IFT140: variants seen among roughly 807,000 people sequenced by gnomAD.
The protein encoded by IFT140 is intraflagellar transport 140, also known as intraflagellar transport protein 140 homolog.
In IFT140, 133 loss-of-function variants were observed where a neutral mutation model predicts 164.6. The ratio of observed to expected loss-of-function variants is 0.81; its 90% confidence interval spans 0.70 to 0.93. The LOEUF is 0.93. Among genes scored for constraint, IFT140 ranks in the 40% least tolerant of loss-of-function variants. The pLI is 0.00. For missense variants in IFT140, 2,045 were observed against 1,972.3 expected, an observed-to-expected ratio of 1.04 and a Z score of -0.70; for synonymous variants, 860 against 817.3, an observed-to-expected ratio of 1.05 and a Z score of -0.89.
chr16:1,542,565 G>C (rs530781841), intron 19 of IFT140, among the ~76,000 whole-genome samples: 1 of 152,240 alleles, frequency 6.6e-6, no homozygotes, highest in Non-Finnish European at 1.5e-5. Context: ...CATGTGCTCT[G>C]TTATAAACGC....
intron 30 of IFT140, among the ~76,000 whole-genome samples, chr16:1,515,027 A>G (rs946436472): frequency 6.6e-6 from 1 of 152,204 alleles, no homozygotes; most frequent in Non-Finnish European, 1.5e-5. Flanking sequence ...GAAAGTCTAG[A>G]TAAATACAAA....
At chr16:1,604,107 G>T (rs1162235470) in intron 3 of IFT140, among the ~76,000 whole-genome samples, 1 of 152,136 alleles carries the variant, frequency 6.6e-6, no homozygotes, top group Admixed American at 6.5e-5. Flanking sequence ...ATATGTTATA[G>T]GCTCCTGCAA....
chr16:1,575,172 G>T (rs2034211300), intron 13 of IFT140, among the ~76,000 whole-genome samples: 1 of 151,526 alleles, frequency 6.6e-6, no homozygotes, highest in African/African-American at 2.4e-5. Context: ...GACCAGCCTG[G>T]GCAACATAGT....
At chr16:1,584,796 C>T (rs1037601578) in intron 10 of IFT140, among the ~76,000 whole-genome samples, 5 of 152,164 alleles carry the variant, frequency 3.3e-5, no homozygotes, top group Admixed American at 3.3e-4. Flanking sequence ...AATTATCCAG[C>T]TTTCTTCTGC....
chr16:1,556,425 G>A (rs1029719809), intron 19 of IFT140, among the ~76,000 whole-genome samples: 1 of 152,268 alleles, frequency 6.6e-6, no homozygotes, highest in African/African-American at 2.4e-5. Context: ...CTGGCCTCAT[G>A]CCCTGCTGGC....
At chr16:1,562,921 G>A (rs541084991) in intron 17 of IFT140, among the ~76,000 whole-genome samples, 99 of 152,230 alleles carry the variant, frequency 6.5e-4, no homozygotes, top group Admixed American at 2.7e-3. Context: ...CAGGACATGC[G>A]CCCATACCTG....
chr16:1,537,540 G>T (rs536915337), intron 19 of IFT140, among the ~76,000 whole-genome samples: 48 of 152,344 alleles, frequency 3.2e-4, no homozygotes, highest in African/African-American at 1.1e-3. Flanking sequence ...CCTGCCAGGG[G>T]TGTCCTGTGG....
Position 1,589,800 on chromosome 16 carries a change from C to T in IFT140, c.635-20G>A, listed in dbSNP as rs770147783. The T allele has an allele frequency of 2.9e-5, 46 of 1,603,426 alleles. No individual in the cohort carries two copies. Among genetic ancestry groups the T allele is most frequent in the Non-Finnish European group, 3.7e-5 (43 of 1,171,350 alleles). On this transcript the variant is annotated intron_variant, in intron 6 of 30. Transcript: ENST00000426508. Reference sequence around the variant, plus strand: ...CTGTCCCTGGGGACAAACGTGGGGTCACTACATGAGGAGGCCCTGGTTTAT... The same window carrying T: ...CTGTCCCTGGGGACAAACGTGGGGTTACTACATGAGGAGGCCCTGGTTTAT...
chr16:1,542,093 G>C, intron 19 of IFT140: 1 of 1,584,972 alleles, frequency 6.3e-7, no homozygotes. Context: ...ACCTGGGCGG[G>C]TGTGGCCACC....
intron 13 of IFT140, 70 bp downstream of exon 13, chr16:1,580,689 G>C (rs894564935): frequency 6.8e-6 from 7 of 1,021,930 alleles, no homozygotes; most frequent in Non-Finnish European, 1.1e-5. Context: ...CAATAAACAG[G>C]CTTTGTCTCA....
At position 1,553,091 on chromosome 16, in the gene IFT140, A is replaced by G. The variant is rs2032804493; in HGVS notation, c.2399+4844T>C. The G allele has an allele frequency of 1.0e-6, 1 of 985,352 alleles. No individual in the cohort carries two copies. Among genetic ancestry groups the G allele is most frequent in the African/African-American group, 1.7e-5 (1 of 57,234 alleles). The allele number at this position is 985,352 out of a possible 1,614,324, so 61.0% of individuals were successfully genotyped here. On this transcript the variant is annotated intron_variant, in intron 19 of 30. Transcript: ENST00000426508. This position sits in a 1 kb window ranked among gnomAD's most constrained non-coding sequence, Gnocchi z 4.4. ...CAAAATGGAGATAGATAAATGCTTA[A>G]TTCATACTTTCTGGAGGGTACAGTG...
chr16:1,539,453 A>G (rs2031411942), intron 19 of IFT140, among the ~76,000 whole-genome samples: 1 of 152,136 alleles, frequency 6.6e-6, no homozygotes, highest in Non-Finnish European at 1.5e-5. Context: ...CCCTTCCTCC[A>G]AGCACTCTGG....
At position 1,523,718 on chromosome 16, in the gene IFT140, T is replaced by C; in HGVS notation, c.3271-18A>G. 6.2e-7 allele frequency: 1 copy of C among 1,609,942 alleles called. No homozygotes were observed. The highest frequency in any genetic ancestry group is 8.5e-7 in the Non-Finnish European group (1 of 1,177,814). ...TGGCCAGCCTGCGGATACGGTGGGCTCTGAGCAGCTGCCCGAGGCCTGGGG... is the reference window on the plus strand; with the variant it reads ...TGGCCAGCCTGCGGATACGGTGGGCCCTGAGCAGCTGCCCGAGGCCTGGGG... On this transcript the variant is annotated intron_variant, in intron 25 of 30. Transcript: ENST00000426508.
chr16:1,569,800 C>A (rs1159498094), intron 14 of IFT140, among the ~76,000 whole-genome samples: 1 of 151,254 alleles, frequency 6.6e-6, no homozygotes, highest in Admixed American at 6.6e-5. Context: ...GCTGCCCAGG[C>A]TGGTCTTGAA....
intron 17 of IFT140, among the ~76,000 whole-genome samples, chr16:1,563,475 G>A (rs903243253): frequency 6.6e-6 from 1 of 151,544 alleles, no homozygotes; most frequent in Non-Finnish European, 1.5e-5. Context: ...ACAAACAAAA[G>A]ATTTCTTTCC....
intron 19 of IFT140, among the ~76,000 whole-genome samples, chr16:1,547,277 G>A (rs1360298969): frequency 6.6e-6 from 1 of 152,200 alleles, no homozygotes; most frequent in African/African-American, 2.4e-5. Context: ...GGTCCGTCCC[G>A]ATGCCCCGTG....
At chr16:1,535,287 A>G (rs546404816) in intron 19 of IFT140, among the ~76,000 whole-genome samples, 11 of 152,238 alleles carry the variant, frequency 7.2e-5, no homozygotes, top group South Asian at 2.1e-4. Context: ...GGGGCTCAGA[A>G]TGATGCCACC....
intron 19 of IFT140, among the ~76,000 whole-genome samples, chr16:1,557,099 C>T (rs147292966): frequency 1.5e-3 from 226 of 150,284 alleles, no homozygotes; most frequent in African/African-American, 5.3e-3. Flanking sequence ...GGATTAAAGG[C>T]GTGAGCCACC....
At chr16:1,544,687 G>C (rs187549062) in intron 19 of IFT140, among the ~76,000 whole-genome samples, 2,602 of 150,848 alleles carry the variant, frequency 0.017, 26 homozygotes, top group Non-Finnish European at 0.026. Flanking sequence ...CTCGCCCTGT[G>C]GCCCAGGCTG....
Sources: allele counts gnomAD v4.1 joint callset (sites outside exome capture counted in the v4.1 genomes callset), GRCh38; gene constraint gnomAD v4.1.1; non-coding constraint Gnocchi (gnomAD v3.1); transcripts MANE v1.5; gene names NCBI Gene and HGNC (gene_info 2026-07-23, HGNC 2026-07-21).